The following DHX40 variants were observed in gnomAD, a reference collection of about 807,000 sequenced individuals.
DHX40 encodes the protein DEAH-box helicase 40, also known as probable ATP-dependent RNA helicase DHX40.
Under a neutral mutation model 89.6 loss-of-function variants are expected in DHX40, and 28 were observed. The observed-to-expected ratio is 0.31, with a 90% confidence interval of 0.23 to 0.43. The LOEUF is 0.43. DHX40 is among the 20% of genes least tolerant of loss of function. The pLI is 1.00. For missense variants in DHX40, 457 were observed against 844.0 expected (o/e 0.54, Z 5.68); for synonymous variants, 226 against 283.6 (o/e 0.80, Z 2.04).
At chr17:59,588,964 C>T (rs922552931) in intron 12 of DHX40, among the ~76,000 whole-genome samples, 6 of 152,206 alleles carry the variant, frequency 3.9e-5, no homozygotes, top group African/African-American at 1.4e-4. Flanking sequence ...AATGCCTTCG[C>T]TTCTTTGTTA....
chr17:59,605,412 G>T, intron 16 of DHX40, 34 bp from the exon 17 acceptor site: 2 of 1,588,334 alleles, frequency 1.3e-6, no homozygotes, highest in East Asian at 2.2e-5. Flanking sequence ...GCAGGTTATT[G>T]AGTTACCATC....
chr17:59,587,744 C>T (rs1431846669), intron 11 of DHX40, 152 bp from the exon 12 acceptor site: 1 of 733,988 alleles, frequency 1.4e-6, no homozygotes, highest in Non-Finnish European at 2.2e-6. Flanking sequence ...AGGCATGAGC[C>T]ACCACGCCTG....
At chr17:59,583,610 G>A (rs753087474) in intron 10 of DHX40, among the ~76,000 whole-genome samples, 97 of 142,578 alleles carry the variant, frequency 6.8e-4, no homozygotes, top group African/African-American at 1.9e-3. Flanking sequence ...GCCGGGTGCG[G>A]TGGCTCACGC....
chr17:59,569,703 A>C (rs1033282838), intron 2 of DHX40, among the ~76,000 whole-genome samples: 2 of 140,778 alleles, frequency 1.4e-5, no homozygotes, highest in African/African-American at 5.7e-5. Flanking sequence ...AAAAAAATAT[A>C]TATATATCTA....
rs752279316 is a variant in DHX40 at position 59,607,877 on chromosome 17, G to GATAT, written c.*716_*719dup. 2 of 148,408 alleles carry GATAT rather than the reference G, an allele frequency of 1.3e-5. No individual in the cohort carries two copies. Among genetic ancestry groups the GATAT allele is most frequent in the East Asian group, 3.9e-4 (2 of 5,118 alleles). 9.2% of individuals were successfully genotyped at this position (148,408 alleles called of 1,614,324 possible). A position where few individuals can be genotyped will look rare whatever the true frequency, so the allele number is the denominator to read the frequency against. On this transcript the variant is annotated 3_prime_UTR_variant, in exon 18 of 18. Transcript: ENST00000251241. ...TATAGCCATTAACCAAAGGACAGATGATATATATATATATGATATATATAT... is the reference window on the plus strand; with the variant it reads ...TATAGCCATTAACCAAAGGACAGATGATATATATATATATATATGATATATATAT...
At chr17:59,590,629 C>T (rs1172886506) in intron 12 of DHX40, among the ~76,000 whole-genome samples, 2 of 151,358 alleles carry the variant, frequency 1.3e-5, no homozygotes, top group Non-Finnish European at 3.0e-5. Context: ...GCTACTATGC[C>T]TGGCTAATTT....
chr17:59,583,681 T>C (rs1272931646), intron 10 of DHX40, among the ~76,000 whole-genome samples: 415 of 130,098 alleles, frequency 3.2e-3, no homozygotes, highest in African/African-American at 9.5e-3. Context: ...GAGATGGAGA[T>C]CATCCTGGCT....
intron 7 of DHX40, among the ~76,000 whole-genome samples, chr17:59,575,993 G>A (rs1598146236): frequency 6.8e-6 from 1 of 147,172 alleles, no homozygotes; most frequent in African/African-American, 2.5e-5. Flanking sequence ...GGGTTCAAGC[G>A]ATTCTCCTTC....
At chr17:59,585,703 A>G (rs2048984546) in intron 10 of DHX40, among the ~76,000 whole-genome samples, 1 of 150,778 alleles carries the variant, frequency 6.6e-6, no homozygotes, top group African/African-American at 2.5e-5. Context: ...AGCCTGGGCA[A>G]CAGAGCGAGA....
chr17:59,600,649 C>T (rs1158803267), intron 14 of DHX40, among the ~76,000 whole-genome samples: 1 of 151,350 alleles, frequency 6.6e-6, no homozygotes, highest in African/African-American at 2.4e-5. Flanking sequence ...GAGTTCAAGA[C>T]CAGCCTGAGA....
chr17:59,576,733 C>G (rs1282855132), intron 7 of DHX40, among the ~76,000 whole-genome samples: 1 of 152,088 alleles, frequency 6.6e-6, no homozygotes, highest in Non-Finnish European at 1.5e-5. Context: ...CTGATAAAAA[C>G]CCATTATGTT....
chr17:59,566,445 A>G (rs2048706265), intron 1 of DHX40, among the ~76,000 whole-genome samples, 182 bp from the exon 2 acceptor site: 1 of 152,232 alleles, frequency 6.6e-6, no homozygotes, highest in Non-Finnish European at 1.5e-5. Flanking sequence ...TTCTGGGCTC[A>G]TTAACCCTCA....
intron 12 of DHX40, among the ~76,000 whole-genome samples, chr17:59,589,331 C>T (rs2049047926): frequency 6.8e-6 from 1 of 146,836 alleles, no homozygotes; most frequent in Non-Finnish European, 1.5e-5. Context: ...GTGCCGTTCT[C>T]TCGCCTCAGC....
intron 11 of DHX40, 36 bp downstream of exon 11, chr17:59,586,269 A>C: frequency 7.0e-7 from 1 of 1,432,792 alleles, no homozygotes; most frequent in Non-Finnish European, 9.5e-7. Context: ...ATCAAAACAG[A>C]TATTGATCTC....
chr17:59,577,428 C>T, intron 8 of DHX40, 63 bp downstream of exon 8: 1 of 1,370,250 alleles, frequency 7.3e-7, no homozygotes, highest in Admixed American at 1.8e-5. Flanking sequence ...ATTAGCTAAA[C>T]ATTACTGAGT....
At chr17:59,577,107 G>T in intron 7 of DHX40, 159 bp from the exon 8 acceptor site, 8 of 670,104 alleles carry the variant, frequency 1.2e-5, no homozygotes, top group Non-Finnish European at 1.6e-5. Context: ...CTGACCTTGT[G>T]ATCCTCCCGC....
intron 10 of DHX40, among the ~76,000 whole-genome samples, chr17:59,581,159 A>T (rs1323403539): frequency 6.8e-6 from 1 of 146,468 alleles, no homozygotes; most frequent in African/African-American, 2.6e-5. Context: ...ATCATACTAT[A>T]TACCATGAAA....
rs774634392 is a variant in DHX40, at chr17:59,602,562, A to T, written c.1847A>T (p.His616Leu). The change falls in exon 15 of 18, where the codon CAT becomes CTT. Residue 616 changes from histidine (H) to leucine (L), a missense_variant. His to Leu is a moderately conservative substitution (Grantham distance 99). Coordinates refer to ENST00000251241, the MANE Select transcript of DHX40 (RefSeq NM_024612.5). Reference sequence around the variant, plus strand: ...AAAGAGACCTTTGAAGGCCCTAAACATGAAGTACTACGAAGATGTCTTTGT... The same window carrying T: ...AAAGAGACCTTTGAAGGCCCTAAACTTGAAGTACTACGAAGATGTCTTTGT... ...FPKETFEGPKHEVLRRCLCAG... is the reference protein window; with the variant it reads ...FPKETFEGPKLEVLRRCLCAG... 1.2e-6 allele frequency: 2 copies of T among 1,613,932 alleles called. No individual in the cohort carries two copies. The highest frequency in any genetic ancestry group is 2.2e-5 in the East Asian group (1 of 44,868).
At chr17:59,573,279 T>C (rs765088638) in intron 4 of DHX40, 44 bp downstream of exon 4, 4 of 1,540,726 alleles carry the variant, frequency 2.6e-6, no homozygotes, top group Non-Finnish European at 3.5e-6. Flanking sequence ...AGCAAGTAGT[T>C]TGTTTGGGTA....
Sources: gnomAD v4.1 joint callset for allele counts (sites outside exome capture counted in the v4.1 genomes callset) on GRCh38, gnomAD v4.1.1 for gene constraint, MANE v1.5 for transcripts, NCBI Gene and HGNC (gene_info 2026-07-23, HGNC 2026-07-21) for gene names.